TECPR2: variants seen among roughly 807,000 people sequenced by gnomAD.
TECPR2 encodes tectonin beta-propeller repeat containing 2, also known as tectonin beta-propeller repeat-containing protein 2.
TECPR2 carries 65 observed loss-of-function variants against 138.1 expected under a neutral mutation model. The ratio of observed to expected loss-of-function variants is 0.47; its 90% confidence interval spans 0.39 to 0.58. The LOEUF (loss-of-function observed/expected upper bound fraction) is 0.58, where lower values mean the gene tolerates loss of function less well. Ranked by LOEUF, TECPR2 falls within the 20% of genes least tolerant of loss-of-function variation. The pLI is 0.00. For synonymous variants in TECPR2, 746 were observed against 749.8 expected (o/e 0.99, Z 0.08); for missense variants, 1,553 against 1,824.5 (o/e 0.85, Z 2.71).
intron 9 of TECPR2, among the ~76,000 whole-genome samples, chr14:102,436,455 G>A (rs1181748317): frequency 6.6e-6 from 1 of 152,026 alleles, no homozygotes; most frequent in African/African-American, 2.4e-5. Flanking sequence ...GAGTCACTGG[G>A]ACTACAGGCA....
At chr14:102,406,156 G>A (rs546503171) in intron 2 of TECPR2, among the ~76,000 whole-genome samples, 3 of 152,300 alleles carry the variant, frequency 2.0e-5, no homozygotes, top group African/African-American at 7.2e-5. Context: ...TAATGGTGAT[G>A]ATTGAAGAGC....
Position 102,493,265 on chromosome 14 carries a change from G to A in TECPR2, c.3790-3714G>A, listed in dbSNP as rs371554056. 7.6e-4 allele frequency among the ~76,000 whole-genome samples: 115 copies of A among 152,314 alleles called. 2 individuals carry two copies. Among genetic ancestry groups the A allele is most frequent in the African/African-American group, 2.7e-3 (111 of 41,558 alleles). On this transcript the variant is annotated intron_variant, in intron 17 of 19. Coordinates refer to ENST00000359520, the MANE Select transcript of TECPR2 (RefSeq NM_014844.5). ...AGTCCTGGCTCTGCTCCACCACGTC[G>A]GGGCCCTGGCCAGTGGGCTGAATGG...
At chr14:102,397,784 A>G (rs1397651391) in intron 2 of TECPR2, among the ~76,000 whole-genome samples, 1 of 151,392 alleles carries the variant, frequency 6.6e-6, no homozygotes, top group East Asian at 1.9e-4. Context: ...AAAAGGTAAA[A>G]CAGCGTATGA....
At chr14:102,431,632 G>T (rs114834043) in intron 7 of TECPR2, among the ~76,000 whole-genome samples, 164 bp from the exon 8 acceptor site, 3 of 152,154 alleles carry the variant, frequency 2.0e-5, no homozygotes, top group Non-Finnish European at 4.4e-5. Flanking sequence ...GTGAGTCACC[G>T]TGCCCATCCT....
At chr14:102,401,804 CAAAAAAAAAAAA>C (rs34413626) in intron 2 of TECPR2, among the ~76,000 whole-genome samples, 5 of 68,954 alleles carry the variant, frequency 7.3e-5, no homozygotes, top group Non-Finnish European at 1.0e-4. Context: ...GACTCCGTCT[CAAAAAAAAAAAA>C]AAAAAAAAAA....
chr14:102,455,515 T>C (rs933656021), intron 16 of TECPR2, among the ~76,000 whole-genome samples: 2 of 151,718 alleles, frequency 1.3e-5, no homozygotes, highest in Admixed American at 1.3e-4. Flanking sequence ...GGCACGATCT[T>C]GGCTCACTGC....
intron 2 of TECPR2, among the ~76,000 whole-genome samples, chr14:102,404,557 C>A (rs1888597313): frequency 6.6e-6 from 1 of 151,272 alleles, no homozygotes; most frequent in Admixed American, 6.6e-5. Flanking sequence ...CAGAAATAAA[C>A]CCTCTTATAT....
intron 2 of TECPR2, among the ~76,000 whole-genome samples, chr14:102,384,717 A>G (rs1356552703): frequency 6.7e-6 from 1 of 150,128 alleles, no homozygotes; most frequent in East Asian, 1.9e-4. Context: ...GTGTGTGTAT[A>G]TATATATACA....
chr14:102,388,781 G>A (rs1158436446), intron 2 of TECPR2, among the ~76,000 whole-genome samples: 1 of 151,994 alleles, frequency 6.6e-6, no homozygotes, highest in African/African-American at 2.4e-5. Context: ...CTAACATGGT[G>A]AAATGCTGTC....
intron 2 of TECPR2, among the ~76,000 whole-genome samples, chr14:102,383,991 G>T (rs1366245958): frequency 6.6e-6 from 1 of 150,954 alleles, no homozygotes; most frequent in Non-Finnish European, 1.5e-5. Context: ...CGCAACCTCG[G>T]CTCACTGCAA....
chr14:102,402,217 G>T (rs940374873), intron 2 of TECPR2, among the ~76,000 whole-genome samples: 2 of 152,074 alleles, frequency 1.3e-5, no homozygotes, highest in African/African-American at 4.8e-5. Flanking sequence ...ACCACAACAG[G>T]ATAAAGTTAG....
chr14:102,397,618 G>A (rs1317457331), intron 2 of TECPR2, among the ~76,000 whole-genome samples: 3 of 151,978 alleles, frequency 2.0e-5, no homozygotes, highest in Non-Finnish European at 2.9e-5. Context: ...GTGGTGGTGT[G>A]CACTGGTAAT....
chr14:102,377,369 A>G (rs1429850670), intron 2 of TECPR2, among the ~76,000 whole-genome samples: 1 of 152,162 alleles, frequency 6.6e-6, no homozygotes, highest in Non-Finnish European at 1.5e-5. Flanking sequence ...TATGTTGCCC[A>G]GGCTGGTCTT....
intron 17 of TECPR2, among the ~76,000 whole-genome samples, chr14:102,480,992 C>T (rs1256283224): frequency 6.7e-6 from 1 of 150,370 alleles, no homozygotes; most frequent in African/African-American, 2.4e-5. Flanking sequence ...GTACAGGCAC[C>T]CGCCACCACG....
chr14:102,411,521 C>T (rs1888862870), intron 4 of TECPR2, among the ~76,000 whole-genome samples: 2 of 151,902 alleles, frequency 1.3e-5, no homozygotes, highest in South Asian at 2.1e-4. Flanking sequence ...TCAAAAAGCA[C>T]CCCCACTGAG....
intron 7 of TECPR2, among the ~76,000 whole-genome samples, chr14:102,429,482 A>C (rs557726574): frequency 6.6e-6 from 1 of 152,256 alleles, no homozygotes; most frequent in East Asian, 1.9e-4. Flanking sequence ...TTGGTAATTC[A>C]TACAAGCCCA....
chr14:102,466,014 T>A (rs1890543996), intron 17 of TECPR2, among the ~76,000 whole-genome samples: 2 of 152,120 alleles, frequency 1.3e-5, no homozygotes, highest in South Asian at 4.1e-4. Flanking sequence ...AGTTGCCAAT[T>A]GTGGAGGCAG....
intron 3 of TECPR2, 33 bp from the exon 4 acceptor site, chr14:102,408,455 T>A (rs1054436456): frequency 1.3e-6 from 2 of 1,579,132 alleles, no homozygotes; most frequent in African/African-American, 2.8e-5. Flanking sequence ...ATCCTTTTTT[T>A]TTCTTGTGTA....
At chr14:102,367,821 CCACTGG>C (rs1174107853) in intron 1 of TECPR2, among the ~76,000 whole-genome samples, 2 of 151,952 alleles carry the variant, frequency 1.3e-5, no homozygotes, top group Non-Finnish European at 1.5e-5. Context: ...GAAGAACTGC[CCACTGG>C]TGGCTGCACC....
Sources: allele counts gnomAD v4.1 joint callset (sites outside exome capture counted in the v4.1 genomes callset), GRCh38; gene constraint gnomAD v4.1.1; transcripts MANE v1.5; gene names NCBI Gene and HGNC (gene_info 2026-07-23, HGNC 2026-07-21).